PHEX: variants seen among roughly 807,000 people sequenced by gnomAD.
PHEX encodes the protein phosphate-regulating neutral endopeptidase PHEX.
A neutral mutation model predicts 68.0 loss-of-function variants in PHEX; 16 were observed. The observed-to-expected ratio is 0.24, with a 90% CI of 0.16 to 0.36. The LOEUF (loss-of-function observed/expected upper bound fraction) is 0.36, where lower values mean the gene tolerates loss of function less well. Ranked by LOEUF, PHEX falls within the 10% of genes least tolerant of loss-of-function variation. PHEX has a pLI of 1.00. For missense variants in PHEX, 480 were observed against 575.5 expected (o/e 0.83, Z 1.70); for synonymous variants, 208 against 205.1 (o/e 1.01, Z -0.12).
In PHEX at chrX:22,102,478, T is replaced by C. The variant is rs979533170; in HGVS notation, c.1079+3327T>C. 2.7e-5 allele frequency among the ~76,000 whole-genome samples: 3 copies of C among 112,477 alleles called. No individual in the cohort carries two copies. The Admixed American group carries it at 2.8e-4, about 11-fold the overall frequency. ...TTTTAAAAATCCATTTATCTGTTGA[T>C]GGACACTTAGGTTGCTTCTGGCAGG... On this transcript the variant is annotated intron_variant, in intron 9 of 21. Coordinates refer to ENST00000379374, the MANE Select transcript of PHEX (RefSeq NM_000444.6).
intron 12 of PHEX, among the ~76,000 whole-genome samples, chrX:22,145,383 G>A (rs1205228773): frequency 8.9e-6 from 1 of 111,903 alleles, no homozygotes; most frequent in African/African-American, 3.2e-5. Flanking sequence ...GGCCGAGGTG[G>A]GTAGATCACT....
At chrX:22,133,443 A>C in intron 11 of PHEX, 80 bp from the exon 12 acceptor site, 2 of 726,818 alleles carry the variant, frequency 2.8e-6, no homozygotes, top group Non-Finnish European at 4.4e-6. Flanking sequence ...GTCATTTCTC[A>C]TGCAAGCCAA....
At chrX:22,083,480 C>T (rs1017888971) in intron 5 of PHEX, among the ~76,000 whole-genome samples, 9 of 112,120 alleles carry the variant, frequency 8.0e-5, no homozygotes, top group Admixed American at 7.6e-4. Context: ...TAACAATATT[C>T]TACTAATTCA....
At chrX:22,182,399 C>T (rs1018836745) in intron 14 of PHEX, among the ~76,000 whole-genome samples, 5 of 111,413 alleles carry the variant, frequency 4.5e-5, no homozygotes, top group Admixed American at 2.9e-4. Context: ...CCACAATCAC[C>T]GTACTCTCCT....
At position 22,175,169 on chromosome X, in the gene PHEX, A is replaced by T. The variant is rs770179156; in HGVS notation, c.1483-3104A>T. Among the ~76,000 whole-genome samples, 3 of 112,121 alleles carry T rather than the reference A, an allele frequency of 2.7e-5. No homozygotes were observed. The Admixed American group carries it at 2.8e-4, about 11-fold the overall frequency. Reference sequence around the variant, plus strand: ...ATTAAACCAGGCTAAGAAAGAAGAAATATTCTCAACTTAATAATGAAAACA... The same window carrying T: ...ATTAAACCAGGCTAAGAAAGAAGAATTATTCTCAACTTAATAATGAAAACA... On this transcript the variant is annotated intron_variant, in intron 13 of 21. Transcript: ENST00000379374.
rs752909015 is a variant in PHEX, at chrX:22,086,605, T to C, written c.664-3824T>C. Among the ~76,000 whole-genome samples the C allele has an allele frequency of 1.2e-4, 13 of 111,505 alleles. No individual in the cohort carries two copies. The East Asian group carries it at 3.1e-3, about 27-fold the overall frequency. ...GGCCTCAGCAACTGATTCATCCTTA[T>C]ATTTGAGTTCTGGGATATTGCTGGT... On this transcript the variant is annotated intron_variant, in intron 5 of 21. Transcript: ENST00000379374.
At chrX:22,114,677 G>A (rs1931157455) in intron 11 of PHEX, 91 bp downstream of exon 11, 1 of 773,347 alleles carries the variant, frequency 1.3e-6, no homozygotes, top group Admixed American at 2.3e-5. Flanking sequence ...AGCCTTCCAG[G>A]TGGTAGTGGC....
intron 20 of PHEX, among the ~76,000 whole-genome samples, chrX:22,244,530 A>G (rs1315204775): frequency 9.0e-6 from 1 of 111,134 alleles, no homozygotes; most frequent in Non-Finnish European, 1.9e-5. Context: ...TGAACCCAGG[A>G]GGTGGAGGTT....
At chrX:22,192,107 A>C (rs1283073273) in intron 15 of PHEX, among the ~76,000 whole-genome samples, 1 of 111,390 alleles carries the variant, frequency 9.0e-6, no homozygotes, top group African/African-American at 3.3e-5. Context: ...CTGTTGCTCA[A>C]ATCCTTGCTG....
At chrX:22,115,045 C>A (rs1043662042) in intron 11 of PHEX, among the ~76,000 whole-genome samples, 1 of 111,340 alleles carries the variant, frequency 9.0e-6, no homozygotes, top group African/African-American at 3.3e-5. Context: ...TCGAAGTATA[C>A]GGCCGGGCGC....
intron 5 of PHEX, among the ~76,000 whole-genome samples, chrX:22,088,700 C>T (rs1045771696): frequency 5.4e-5 from 6 of 111,195 alleles, no homozygotes; most frequent in Non-Finnish European, 9.4e-5. Flanking sequence ...ATTCTAGATA[C>T]ACGTCCTTTG....
chrX:22,146,406 T>C (rs956962766), intron 12 of PHEX, among the ~76,000 whole-genome samples: 6 of 112,524 alleles, frequency 5.3e-5, no homozygotes, highest in African/African-American at 1.9e-4. Flanking sequence ...CAGTGTTGCA[T>C]TTTCAGTGTT....
At chrX:22,126,876 T>G (rs1216255001) in intron 11 of PHEX, among the ~76,000 whole-genome samples, 2 of 90,130 alleles carry the variant, frequency 2.2e-5, no homozygotes, top group South Asian at 5.9e-4. Context: ...TTTTTTTTTT[T>G]TTTTTTTTTT....
chrX:22,236,072 A>G (rs901086396), intron 20 of PHEX, among the ~76,000 whole-genome samples: 1 of 111,072 alleles, frequency 9.0e-6, no homozygotes, highest in Non-Finnish European at 1.9e-5. Flanking sequence ...CCTCACTTCT[A>G]CCCTACAATG....
chrX:22,163,165 C>T (rs1933195304), intron 12 of PHEX: 1 of 111,737 alleles, frequency 8.9e-6, no homozygotes, highest in African/African-American at 3.3e-5. Flanking sequence ...ACCCTGGACT[C>T]GAGGCAGAAA....
intron 2 of PHEX, among the ~76,000 whole-genome samples, chrX:22,040,091 G>C (rs1927205758): frequency 8.9e-6 from 1 of 111,767 alleles, no homozygotes; most frequent in Admixed American, 9.5e-5. Context: ...TCCTAAATCA[G>C]TGTTAGGGCC....
At chrX:22,236,011 A>ATAAC (rs1329064412) in intron 20 of PHEX, among the ~76,000 whole-genome samples, 1 of 111,635 alleles carries the variant, frequency 9.0e-6, no homozygotes, top group Non-Finnish European at 1.9e-5. Context: ...TCAATTTCCC[A>ATAAC]TAACTAACTC....
chrX:22,247,483 T>A (rs1166504297), intron 21 of PHEX, among the ~76,000 whole-genome samples: 1 of 112,241 alleles, frequency 8.9e-6, no homozygotes, highest in Non-Finnish European at 1.9e-5. Context: ...GATAGTAATA[T>A]GGGCATATAC....
At chrX:22,230,220 A>G (rs1935667095) in intron 20 of PHEX, among the ~76,000 whole-genome samples, 1 of 34,623 alleles carries the variant, frequency 2.9e-5, no homozygotes, top group Non-Finnish European at 5.7e-5. Flanking sequence ...TGTTTTGGCT[A>G]TATGGGCTCT....
Sources: gnomAD v4.1 joint callset for allele counts (sites outside exome capture counted in the v4.1 genomes callset) on GRCh38, gnomAD v4.1.1 for gene constraint, MANE v1.5 for transcripts, NCBI Gene and HGNC (gene_info 2026-07-23, HGNC 2026-07-21) for gene names.